RBL1: variants seen among roughly 807,000 people sequenced by gnomAD.
The protein encoded by RBL1 is retinoblastoma-like protein 1.
RBL1 carries 82 observed loss-of-function variants against 123.0 expected under a neutral mutation model. The ratio of observed to expected loss-of-function variants is 0.67; its 90% CI spans 0.56 to 0.80. The LOEUF (loss-of-function observed/expected upper bound fraction) is 0.80, where lower values mean the gene tolerates loss of function less well. RBL1 is among the 30% of genes least tolerant of loss of function. RBL1 has a pLI of 0.00. For synonymous variants in RBL1, 405 were observed against 441.3 expected (o/e 0.92, Z 1.03); for missense variants, 1,171 against 1,299.6 (o/e 0.90, Z 1.52).
intron 16 of RBL1, among the ~76,000 whole-genome samples, chr20:37,028,842 T>C (rs1258134303): frequency 1.3e-5 from 2 of 152,212 alleles, no homozygotes; most frequent in Non-Finnish European, 2.9e-5. Context: ...AAAGGTCAAA[T>C]GTATTTTTTA....
chr20:36,999,016 T>C (rs565234377), intron 21 of RBL1, 87 bp from the exon 22 acceptor site: 451 of 1,239,932 alleles, frequency 3.6e-4, no homozygotes, highest in Non-Finnish European at 4.7e-4. Flanking sequence ...TTTCCTGTGC[T>C]CTATCCTCTA....
chr20:37,048,788 G>A (rs2064855258), intron 11 of RBL1, among the ~76,000 whole-genome samples: 2 of 151,854 alleles, frequency 1.3e-5, no homozygotes, highest in South Asian at 4.1e-4. Context: ...GAAAAGCGAG[G>A]TGCAGCAGCA....
In RBL1 at chr20:37,033,930, CT is replaced by C. The variant is rs367938984; in HGVS notation, c.2171-1055del. On this transcript the variant is annotated intron_variant, in intron 15 of 21. Coordinates refer to ENST00000373664, the MANE Select transcript of RBL1 (RefSeq NM_002895.5). ...CTGTGCCTGGCGCCCCCCGGGCCCC[CT>C]TTTTTTTTTCTTTTTCTTTTTTTTT... 4.2e-3 allele frequency among the ~76,000 whole-genome samples: 604 copies of C among 145,300 alleles called. 7 individuals are homozygous for C. Among genetic ancestry groups the C allele is most frequent in the African/African-American group, 0.014 (576 of 39,858 alleles).
chr20:37,064,624 A>C (rs2065150254), intron 7 of RBL1, among the ~76,000 whole-genome samples: 1 of 151,214 alleles, frequency 6.6e-6, no homozygotes, highest in African/African-American at 2.4e-5. Context: ...TTTTTTTTTT[A>C]ATTGAGATGG....
intron 1 of RBL1, 142 bp from the exon 2 acceptor site, chr20:37,089,264 A>C: frequency 1.3e-6 from 1 of 765,800 alleles, no homozygotes; most frequent in Non-Finnish European, 1.9e-6. Context: ...TATTTGCCCA[A>C]GGTCACAAAG....
intron 11 of RBL1, among the ~76,000 whole-genome samples, chr20:37,055,336 T>TA (rs2064985526): frequency 7.8e-6 from 1 of 128,684 alleles, no homozygotes; most frequent in Non-Finnish European, 1.7e-5. Context: ...AAAAAACACT[T>TA]AAAAAACACT....
At chr20:37,002,060 G>GGT (rs1255415398) in intron 21 of RBL1, among the ~76,000 whole-genome samples, 1 of 24,138 alleles carries the variant, frequency 4.1e-5, no homozygotes, top group East Asian at 8.9e-4. Context: ...TTTTGAGACA[G>GGT]TCTCTCTCTG....
In RBL1 at chr20:37,055,604, T is replaced by C; in HGVS notation, c.1416A>G (p.Leu472=). The C allele has an allele frequency of 6.2e-7, 1 of 1,613,984 alleles. No individual in the cohort carries two copies. The highest frequency in any genetic ancestry group is 8.5e-7 in the Non-Finnish European group (1 of 1,179,988). ...KLAEILYYKI[L]ETVMVQETRR... The stretch of plus-strand genomic sequence containing the variant: ...GTGTTTCCTGAACCATTACAGTCTC[T>C]AGTATTTTATAATACAAAATTTCTG... The change falls in exon 11 of 22, where the codon CTA becomes CTG. Residue 472 remains leucine, a synonymous_variant. Transcript: ENST00000373664.
In RBL1 at chr20:36,998,553, A is replaced by C; in HGVS notation, c.*206T>G. ...TATTAGTATTTTTAAAAGGCACTTA[A>C]AATATTCCTTTCCAATCCAACTCAA... On this transcript the variant is annotated 3_prime_UTR_variant, in exon 22 of 22. Coordinates refer to ENST00000373664, the MANE Select transcript of RBL1 (RefSeq NM_002895.5). The C allele has an allele frequency of 1.9e-6, 1 of 523,992 alleles. No homozygotes were observed. The highest frequency in any genetic ancestry group is 3.3e-6 in the Non-Finnish European group (1 of 303,582). The allele number at this position is 523,992 out of a possible 1,614,324, so 32.5% of individuals were successfully genotyped here.
intron 2 of RBL1, among the ~76,000 whole-genome samples, 158 bp from the exon 3 acceptor site, chr20:37,068,344 T>C (rs529852303): frequency 6.6e-6 from 1 of 152,048 alleles, no homozygotes; most frequent in African/African-American, 2.4e-5. Flanking sequence ...TTTAAAAAAT[T>C]AGCTGGGTGT....
chr20:37,037,417 G>A (rs1016254411), intron 14 of RBL1, among the ~76,000 whole-genome samples: 3 of 152,188 alleles, frequency 2.0e-5, no homozygotes, highest in Admixed American at 2.0e-4. Flanking sequence ...AATTATATGA[G>A]AGGAAGGTGG....
At chr20:37,031,905 CTTTT>C (rs763127111) in intron 16 of RBL1, among the ~76,000 whole-genome samples, 1 of 130,016 alleles carries the variant, frequency 7.7e-6, no homozygotes, top group Non-Finnish European at 1.6e-5. Flanking sequence ...TACCTGGCTG[CTTTT>C]TTTTTTTTTT....
chr20:37,010,033 A>AG (rs1857553392), intron 19 of RBL1, among the ~76,000 whole-genome samples: 1 of 151,584 alleles, frequency 6.6e-6, no homozygotes, highest in Non-Finnish European at 1.5e-5. Flanking sequence ...TCTAAAATTA[A>AG]AAAAAAACTG....
At chr20:37,053,998 T>C (rs1163395033) in intron 11 of RBL1, among the ~76,000 whole-genome samples, 1 of 150,862 alleles carries the variant, frequency 6.6e-6, no homozygotes, top group Non-Finnish European at 1.5e-5. Flanking sequence ...ATTTTGGTTA[T>C]GGTTAATCTA....
chr20:37,010,031 T>TAA (rs140519985), intron 19 of RBL1, among the ~76,000 whole-genome samples: 10 of 149,442 alleles, frequency 6.7e-5, no homozygotes, highest in East Asian at 2.0e-4. Context: ...TCTCTAAAAT[T>TAA]AAAAAAAAAC....
rs1388230808 is a variant in RBL1, at chr20:36,996,591, T to A, written c.*2168A>T. 6.6e-6 allele frequency: 1 copy of A among 152,206 alleles called. No homozygotes were observed. Among genetic ancestry groups the A allele is most frequent in the African/African-American group, 2.4e-5 (1 of 41,432 alleles). The allele number at this position is 152,206 out of a possible 1,614,324, so 9.4% of individuals were successfully genotyped here. A position where few individuals can be genotyped will look rare whatever the true frequency, so the allele number is the denominator to read the frequency against. On this transcript the variant is annotated 3_prime_UTR_variant, in exon 22 of 22. Coordinates refer to ENST00000373664, the MANE Select transcript of RBL1 (RefSeq NM_002895.5). ...CTGAGTAGCTGGGACTACAGGCACA[T>A]GCCATCACACCCAACTAATTTTTTT...
intron 7 of RBL1, 57 bp from the exon 8 acceptor site, chr20:37,062,327 A>C: frequency 6.4e-7 from 1 of 1,562,928 alleles, no homozygotes; most frequent in Non-Finnish European, 8.7e-7. Context: ...ATTTATTTTG[A>C]CTTGAAGATA....
chr20:37,002,230 C>T (rs192572899), intron 21 of RBL1, among the ~76,000 whole-genome samples: 129 of 151,224 alleles, frequency 8.5e-4, no homozygotes, highest in African/African-American at 3.1e-3. Flanking sequence ...AGGGTTTTGC[C>T]ATGTTGGCCA....
intron 2 of RBL1, among the ~76,000 whole-genome samples, chr20:37,083,424 G>A (rs371767923): frequency 6.6e-6 from 1 of 151,340 alleles, no homozygotes; most frequent in African/African-American, 2.4e-5. Context: ...AGCAGAGATC[G>A]CGACAATGCA....
Sources: allele counts gnomAD v4.1 joint callset (sites outside exome capture counted in the v4.1 genomes callset), GRCh38; gene constraint gnomAD v4.1.1; transcripts MANE v1.5; gene names NCBI Gene and HGNC (gene_info 2026-07-23, HGNC 2026-07-21).